Variants in AQP9 observed in about 807,000 individuals in gnomAD.
AQP9 encodes aquaporin 9.
Under a neutral mutation model 23.8 loss-of-function variants are expected in AQP9, and 19 were observed. That is an observed-to-expected ratio of 0.80 (90% CI 0.56 to 1.17). AQP9 has a LOEUF of 1.17. AQP9 is among the 50% of genes most tolerant of loss of function. AQP9 has a pLI of 0.00. For synonymous variants in AQP9, 153 were observed against 131.5 expected (o/e 1.16, Z -1.12); for missense variants, 413 against 362.0 (o/e 1.14, Z -1.14).
intron 1 of AQP9, among the ~76,000 whole-genome samples, chr15:58,165,380 A>G (rs1486148234): frequency 1.3e-5 from 2 of 152,236 alleles, no homozygotes; most frequent in African/African-American, 4.8e-5. Flanking sequence ...TAAAAAAATT[A>G]GAAAACAGAT....
At chr15:58,180,304 G>A (rs1304021063) in intron 5 of AQP9, among the ~76,000 whole-genome samples, 3 of 152,196 alleles carry the variant, frequency 2.0e-5, no homozygotes, top group African/African-American at 4.8e-5. Flanking sequence ...AACAAAGGAC[G>A]TGAGTGTTCC....
chr15:58,162,116 A>G (rs930274137), intron 1 of AQP9, among the ~76,000 whole-genome samples: 1 of 152,244 alleles, frequency 6.6e-6, no homozygotes, highest in Non-Finnish European at 1.5e-5. Context: ...GTCAGAAGGT[A>G]CAGGGTTAAT....
intron 2 of AQP9, among the ~76,000 whole-genome samples, chr15:58,170,191 G>A (rs1421996409): frequency 6.6e-6 from 1 of 152,132 alleles, no homozygotes; most frequent in Non-Finnish European, 1.5e-5. Flanking sequence ...TCTGCGGGGA[G>A]AAATTTCTAG....
chr15:58,184,425 AC>A lies in AQP9; in HGVS notation c.*291del. The A allele has an allele frequency of 3.3e-6, 1 of 307,004 alleles. No homozygotes were observed. The highest frequency in any genetic ancestry group is 6.0e-6 in the Non-Finnish European group (1 of 166,484). 19.0% of individuals were successfully genotyped at this position (307,004 alleles called of 1,614,324 possible). On this transcript the variant is annotated 3_prime_UTR_variant, in exon 6 of 6. Coordinates refer to ENST00000219919, the MANE Select transcript of AQP9 (RefSeq NM_020980.5). ...CGATGGGAATTCTTGCTAGGTAAGCACTAATAACTCGGCATCTTGACGATAG... is the reference window on the plus strand; with the variant it reads ...CGATGGGAATTCTTGCTAGGTAAGCATAATAACTCGGCATCTTGACGATAG...
chr15:58,138,938 G>T (rs1050675038), intron 1 of AQP9: 17 of 359,696 alleles, frequency 4.7e-5, no homozygotes, highest in Non-Finnish European at 3.6e-5. Flanking sequence ...TTTATTTCAG[G>T]TATTTACTTA....
intron 3 of AQP9, among the ~76,000 whole-genome samples, chr15:58,173,990 G>A (rs1898683964): frequency 6.6e-6 from 1 of 151,976 alleles, no homozygotes; most frequent in Non-Finnish European, 1.5e-5. Context: ...TATAGAAATG[G>A]GTCATGGAGG....
At chr15:58,173,326 A>C (rs1898666406) in intron 3 of AQP9, 121 bp downstream of exon 3, 1 of 1,418,518 alleles carries the variant, frequency 7.0e-7, no homozygotes, top group East Asian at 2.3e-5. Context: ...AGTGACAGCA[A>C]GTTCTAAATT....
At chr15:58,140,072 A>G (rs1253653075) in intron 1 of AQP9, among the ~76,000 whole-genome samples, 1 of 152,202 alleles carries the variant, frequency 6.6e-6, no homozygotes, top group Non-Finnish European at 1.5e-5. Context: ...TCTGGCCCCA[A>G]AGAAGCAGTT....
At chr15:58,157,767 G>T (rs1898294202) in intron 1 of AQP9, among the ~76,000 whole-genome samples, 1 of 152,164 alleles carries the variant, frequency 6.6e-6, no homozygotes, top group Admixed American at 6.5e-5. Context: ...AACGGAAGTT[G>T]TCTGTGCAAG....
chr15:58,172,986 A>T, intron 2 of AQP9, 82 bp from the exon 3 acceptor site: 1 of 1,565,394 alleles, frequency 6.4e-7, no homozygotes, highest in Non-Finnish European at 8.7e-7. Context: ...AGAAGACTGA[A>T]TTCCACCTGA....
chr15:58,179,027 G>A (rs1336194067), intron 4 of AQP9, 101 bp from the exon 5 acceptor site: 5 of 782,888 alleles, frequency 6.4e-6, no homozygotes, highest in Non-Finnish European at 1.0e-5. Context: ...AAGTAAAATA[G>A]TAATATTGTA....
chr15:58,161,066 C>T (rs74016548), intron 1 of AQP9, among the ~76,000 whole-genome samples: 1,816 of 152,208 alleles, frequency 0.012, 37 homozygotes, highest in African/African-American at 0.04. Flanking sequence ...GGACTCTGGG[C>T]TGACATTTCC....
chr15:58,179,189 G>A lies in AQP9; in HGVS notation c.557G>A (p.Gly186Glu), dbSNP rs1180692615. ...VFAIFDSRNL[G>E]APRGLEPIAI... ...GCCATCTTTGACTCCAGAAACTTGG[G>A]AGCCCCCAGAGGCCTAGAGCCCATT... Residue 186 changes from glycine (G) to glutamate (E), a missense_variant, in exon 5 of 6, where the codon GGA (glycine) becomes GAA (glutamate). Coordinates refer to ENST00000219919, the MANE Select transcript of AQP9 (RefSeq NM_020980.5). The A allele has an allele frequency of 2.5e-5, 40 of 1,613,890 alleles. No individual in the cohort carries two copies. Among genetic ancestry groups the A allele is most frequent in the Non-Finnish European group, 3.3e-5 (39 of 1,179,922 alleles).
intron 1 of AQP9, among the ~76,000 whole-genome samples, chr15:58,162,223 A>G (rs7178134): frequency 0.71 from 107,532 of 152,090 alleles, 38,024 homozygotes; most frequent in Admixed American, 0.77. Context: ...AGCTTACCCA[A>G]GTGAGACTCA....
intron 1 of AQP9, among the ~76,000 whole-genome samples, chr15:58,139,033 A>G (rs1460454788): frequency 1.3e-5 from 2 of 152,186 alleles, no homozygotes; most frequent in African/African-American, 4.8e-5. Context: ...GCTTCCTCCA[A>G]GCATTGGGGT....
chr15:58,149,653 G>A (rs1898112048), intron 1 of AQP9, among the ~76,000 whole-genome samples: 1 of 152,184 alleles, frequency 6.6e-6, no homozygotes, highest in Admixed American at 6.5e-5. Context: ...AGTCACATAA[G>A]CTGAATAGGA....
chr15:58,159,144 G>A (rs1898321616), intron 1 of AQP9, among the ~76,000 whole-genome samples: 2 of 152,074 alleles, frequency 1.3e-5, no homozygotes, highest in Admixed American at 1.3e-4. Context: ...CACCATGTCG[G>A]GTTTTACATT....
chr15:58,173,242 C>G (rs117652927), intron 3 of AQP9, 37 bp downstream of exon 3: 1 of 1,609,624 alleles, frequency 6.2e-7, no homozygotes. Context: ...TTAGGAAGAG[C>G]TGGGCATAAT....
intron 1 of AQP9, among the ~76,000 whole-genome samples, chr15:58,163,740 G>A (rs1685773612): frequency 6.6e-6 from 1 of 152,078 alleles, no homozygotes; most frequent in African/African-American, 2.4e-5. Context: ...GAATCACGAT[G>A]GAACTTTGTA....
Sources: allele counts gnomAD v4.1 joint callset (sites outside exome capture counted in the v4.1 genomes callset), GRCh38; gene constraint gnomAD v4.1.1; transcripts MANE v1.5; gene names NCBI Gene and HGNC (gene_info 2026-07-23, HGNC 2026-07-21).